The following FBP1 variants were observed in gnomAD, a reference collection of about 807,000 sequenced individuals.
The protein encoded by FBP1 is fructose-bisphosphatase 1, also known as fructose-1,6-bisphosphatase 1.
In FBP1, 22 loss-of-function variants were observed where a neutral mutation model predicts 29.9. The ratio of observed to expected loss-of-function variants is 0.74; its 90% CI spans 0.53 to 1.05. The LOEUF is 1.05. Among genes scored for constraint, FBP1 ranks in the 50% least tolerant of loss-of-function variants. The probability of loss-of-function intolerance (pLI) is 0.00; values close to 1 mark genes in which losing one functional copy is unlikely to be tolerated. For missense variants in FBP1, 345 were observed against 448.2 expected (o/e 0.77, Z 2.08); for synonymous variants, 175 against 178.6 (o/e 0.98, Z 0.16).
chr9:94,605,858 A>C (rs1827691573), intron 5 of FBP1, among the ~76,000 whole-genome samples: 1 of 152,182 alleles, frequency 6.6e-6, no homozygotes, highest in South Asian at 2.1e-4. Context: ...GGCATTACAG[A>C]AACTGTACCA....
chr9:94,634,043 C>T (rs1464601343), intron 1 of FBP1, among the ~76,000 whole-genome samples: 1 of 150,626 alleles, frequency 6.6e-6, no homozygotes, highest in Non-Finnish European at 1.5e-5. Flanking sequence ...CCTGTAATCC[C>T]AGGACTTTGG....
chr9:94,624,860 C>A (rs371176874), intron 1 of FBP1, among the ~76,000 whole-genome samples: 36 of 152,086 alleles, frequency 2.4e-4, no homozygotes, highest in Admixed American at 1.4e-3. Context: ...AGCCTGAGGT[C>A]TTTTTCCTGT....
intron 1 of FBP1, among the ~76,000 whole-genome samples, chr9:94,627,228 G>A (rs951668422): frequency 9.9e-5 from 15 of 150,882 alleles, no homozygotes; most frequent in African/African-American, 2.0e-4. Flanking sequence ...GGTGGCGGGC[G>A]CCTGTAATCC....
intron 3 of FBP1, among the ~76,000 whole-genome samples, chr9:94,614,266 C>A (rs953139338): frequency 2.0e-5 from 3 of 150,862 alleles, no homozygotes; most frequent in Non-Finnish European, 4.4e-5. Context: ...CGTGGCCGGG[C>A]GCGGTGGCTC....
chr9:94,605,680 C>T (rs1309914847), intron 5 of FBP1, 104 bp from the exon 6 acceptor site: 15 of 1,139,178 alleles, frequency 1.3e-5, no homozygotes, highest in Non-Finnish European at 1.8e-5. Context: ...CACCGAGCAC[C>T]TACAAGGTAT....
chr9:94,614,465 G>A (rs1827834497), intron 3 of FBP1, among the ~76,000 whole-genome samples: 1 of 152,102 alleles, frequency 6.6e-6, no homozygotes, highest in African/African-American at 2.4e-5. Flanking sequence ...GCTTGAACCA[G>A]GGAGGCAGAG....
chr9:94,606,767 G>T (rs1366942995), intron 5 of FBP1, 48 bp downstream of exon 5: 1 of 1,593,598 alleles, frequency 6.3e-7, no homozygotes, highest in Admixed American at 1.8e-5. Flanking sequence ...ACGGCCTCTG[G>T]TGCCAGATGC....
At chr9:94,607,142 A>G (rs1254464927) in intron 4 of FBP1, among the ~76,000 whole-genome samples, 190 bp from the exon 5 acceptor site, 2 of 152,134 alleles carry the variant, frequency 1.3e-5, no homozygotes, top group Admixed American at 1.3e-4. Context: ...AAGCAAGACA[A>G]TGCTGCAGAA....
chr9:94,629,042 C>T (rs1170114045), intron 1 of FBP1, among the ~76,000 whole-genome samples: 3 of 152,124 alleles, frequency 2.0e-5, no homozygotes, highest in Non-Finnish European at 2.9e-5. Flanking sequence ...AGTGCAATGG[C>T]GAGATCTTGG....
intron 3 of FBP1, among the ~76,000 whole-genome samples, chr9:94,612,392 T>C (rs1827798081): frequency 6.6e-6 from 1 of 152,108 alleles, no homozygotes; most frequent in African/African-American, 2.4e-5. Context: ...AGCCCTTCCC[T>C]GACATACGGT....
intron 1 of FBP1, among the ~76,000 whole-genome samples, chr9:94,638,697 G>A (rs765605774): frequency 6.6e-6 from 1 of 152,190 alleles, no homozygotes; most frequent in Non-Finnish European, 1.5e-5. Context: ...TTAGAAACCT[G>A]ACTTGGGTCC....
intron 3 of FBP1, among the ~76,000 whole-genome samples, chr9:94,615,081 T>C (rs535147027): frequency 6.6e-6 from 1 of 152,096 alleles, no homozygotes; most frequent in Non-Finnish European, 1.5e-5. Context: ...GCTGATTTTT[T>C]GTATTTTTGG....
intron 3 of FBP1, among the ~76,000 whole-genome samples, chr9:94,612,463 G>A (rs935025695): frequency 6.6e-6 from 1 of 151,282 alleles, no homozygotes; most frequent in Non-Finnish European, 1.5e-5. Flanking sequence ...AGTAATACTT[G>A]TCTATGACCC....
intron 1 of FBP1, among the ~76,000 whole-genome samples, chr9:94,624,800 A>G (rs1587863157): frequency 6.6e-6 from 1 of 152,200 alleles, no homozygotes; most frequent in Non-Finnish European, 1.5e-5. Flanking sequence ...CATATTTCCA[A>G]ATGGAAGGGA....
At chr9:94,615,197 C>T (rs765612005) in intron 3 of FBP1, among the ~76,000 whole-genome samples, 2 of 152,152 alleles carry the variant, frequency 1.3e-5, no homozygotes, top group African/African-American at 2.4e-5. Context: ...GGTGAGCCAC[C>T]GCACCAGGCC....
At position 94,614,170 on chromosome 9, in the gene FBP1, AG is replaced by A. The variant is rs926576513; in HGVS notation, c.426+3597del. Among the ~76,000 whole-genome samples, 20 of 113,114 alleles carry A rather than the reference AG, an allele frequency of 1.8e-4. No individual in the cohort carries two copies. The East Asian group carries it at 3.3e-3, about 19-fold the overall frequency. 74.2% of individuals were successfully genotyped at this position (113,114 alleles called of 152,430 possible). On this transcript the variant is annotated intron_variant, in intron 3 of 6. Coordinates refer to ENST00000375326, the MANE Select transcript of FBP1 (RefSeq NM_000507.4). ...AGGAGGGGAAGAAGGCAGAGGAGGA[AG>A]GGGGGGACGAGGAGGAGCAGGGGGA...
At chr9:94,606,999 G>C in intron 4 of FBP1, 47 bp from the exon 5 acceptor site, 3 of 1,613,154 alleles carry the variant, frequency 1.9e-6, no homozygotes, top group Non-Finnish European at 2.5e-6. Flanking sequence ...AGCGCACTGG[G>C]TCCCCCAGGC....
Position 94,620,329 on chromosome 9 carries a change from C to T in FBP1, c.333G>A (p.Arg111=). 1 of 1,614,084 alleles carries T rather than the reference C, an allele frequency of 6.2e-7. No individual in the cohort carries two copies. The change falls in exon 2 of 7, where the codon AGG becomes AGA. Residue 111 remains arginine (R), a splice_region_variant and synonymous_variant. Transcript: ENST00000375326. The part of the protein sequence containing the change: ...KHAIIVEPEK[R]GKYVVCFDPL... Reference sequence around the variant, plus strand: ...CTCAATGGTGGAAGTACAGACCCACCCTTTTCTCCGGTTCCACTATGATGG... The same window carrying T: ...CTCAATGGTGGAAGTACAGACCCACTCTTTTCTCCGGTTCCACTATGATGG...
At position 94,604,486 on chromosome 9, in the gene FBP1, T is replaced by TAGA. The variant is rs560514565; in HGVS notation, c.826-915_826-914insTCT. On this transcript the variant is annotated intron_variant, in intron 6 of 6. Transcript: ENST00000375326. ...TGTTGTTCCTGTTCTCCTCTTGCAT[T>TAGA]AAAAAAAAAAAAGGCAGCCACGCGT... 5.6e-4 allele frequency among the ~76,000 whole-genome samples: 81 copies of TAGA among 143,494 alleles called. 4 individuals carry two copies. The East Asian group carries it at 0.011, about 20-fold the overall frequency. The allele number at this position is 143,494 out of a possible 152,430, so 94.1% of individuals were successfully genotyped here.
Sources: gnomAD v4.1 joint callset for allele counts (sites outside exome capture counted in the v4.1 genomes callset) on GRCh38, gnomAD v4.1.1 for gene constraint, MANE v1.5 for transcripts, NCBI Gene and HGNC (gene_info 2026-07-23, HGNC 2026-07-21) for gene names.